Variants in RBFOX1 observed in about 807,000 individuals in gnomAD.
RBFOX1 encodes the protein RNA binding protein fox-1 homolog 1.
RBFOX1 carries 8 observed loss-of-function variants against 57.7 expected under a neutral mutation model. The observed-to-expected ratio is 0.14, with a 90% CI of 0.08 to 0.25. The LOEUF (loss-of-function observed/expected upper bound fraction) is 0.25, where lower values mean the gene tolerates loss of function less well. RBFOX1 is among the 10% of genes least tolerant of loss of function. The probability of loss-of-function intolerance (pLI) is 1.00; values close to 1 mark genes in which losing one functional copy is unlikely to be tolerated. For missense variants in RBFOX1, 611 were observed against 548.5 expected, an observed-to-expected ratio of 1.11 and a Z score of -1.14; for synonymous variants, 326 against 222.4, an observed-to-expected ratio of 1.47 and a Z score of -4.15.
intron 4 of RBFOX1, among the ~76,000 whole-genome samples, chr16:7,337,887 G>A (rs1043563100): frequency 2.0e-4 from 31 of 152,172 alleles, no homozygotes; most frequent in Admixed American, 2.0e-3. Context: ...GTTTCACCAT[G>A]TTGGTTAGGC....
chr16:6,925,837 G>A (rs906467912), intron 3 of RBFOX1, among the ~76,000 whole-genome samples: 1 of 152,006 alleles, frequency 6.6e-6, no homozygotes, highest in African/African-American at 2.4e-5. Flanking sequence ...TGAGTTCCTT[G>A]CAAGGTTATG....
chr16:5,833,743 A>G (rs1030558816), intron 3 of RBFOX1, among the ~76,000 whole-genome samples: 7 of 152,278 alleles, frequency 4.6e-5, no homozygotes, highest in Non-Finnish European at 7.3e-5. Context: ...AGAAAGAAGG[A>G]GAGACACATT....
chr16:5,255,322 T>TCCCATCCA (rs1555468896), intron 1 of RBFOX1, among the ~76,000 whole-genome samples: 1 of 119,372 alleles, frequency 8.4e-6, no homozygotes, highest in Non-Finnish European at 1.8e-5. Flanking sequence ...CCACACTTCC[T>TCCCATCCA]TCCATCCATC....
intron 3 of RBFOX1, among the ~76,000 whole-genome samples, chr16:5,753,770 G>A (rs1304741493): frequency 6.6e-6 from 1 of 151,956 alleles, no homozygotes; most frequent in Non-Finnish European, 1.5e-5. Flanking sequence ...TTGTATAGGA[G>A]CCTCCCCTCT....
At chr16:7,195,765 C>T (rs1437351277) in intron 4 of RBFOX1, among the ~76,000 whole-genome samples, 1 of 152,136 alleles carries the variant, frequency 6.6e-6, no homozygotes. Flanking sequence ...GTTGGCCAGA[C>T]TGGTGTTCAA....
chr16:6,958,841 G>C (rs1398240298), intron 3 of RBFOX1, among the ~76,000 whole-genome samples: 1 of 152,144 alleles, frequency 6.6e-6, no homozygotes, highest in Non-Finnish European at 1.5e-5. Flanking sequence ...CGGCATTGCT[G>C]ATTTTCAAGG....
chr16:5,674,084 A>G (rs1433197403), intron 3 of RBFOX1, among the ~76,000 whole-genome samples: 1 of 152,138 alleles, frequency 6.6e-6, no homozygotes, highest in South Asian at 2.1e-4. Flanking sequence ...TCTATGTAGT[A>G]TTGTTCTAGG....
chr16:6,517,347 C>T (rs777906093), intron 2 of RBFOX1, among the ~76,000 whole-genome samples: 4 of 152,176 alleles, frequency 2.6e-5, no homozygotes, highest in Admixed American at 6.5e-5. Context: ...GATCCGAATA[C>T]ATCTGTGTTT....
chr16:7,381,156 G>C (rs2097776223), intron 4 of RBFOX1, among the ~76,000 whole-genome samples: 1 of 152,164 alleles, frequency 6.6e-6, no homozygotes, highest in Non-Finnish European at 1.5e-5. Flanking sequence ...CTAGATGCTT[G>C]AACTTCTCCC....
chr16:7,054,233 C>G (rs886107117), intron 4 of RBFOX1, among the ~76,000 whole-genome samples: 211 of 5,106 alleles, frequency 0.041, 1 homozygote, highest in African/African-American at 0.14. Context: ...GGGCGGGGAG[C>G]TTTTTTTTTT....
At chr16:7,494,060 G>C (rs1432095530) in intron 4 of RBFOX1, among the ~76,000 whole-genome samples, 1 of 151,842 alleles carries the variant, frequency 6.6e-6, no homozygotes, top group Non-Finnish European at 1.5e-5. Flanking sequence ...TCCGAGAGTG[G>C]TTATGGAGGC....
chr16:6,854,977 G>A (rs991938713), intron 3 of RBFOX1, among the ~76,000 whole-genome samples: 1 of 151,862 alleles, frequency 6.6e-6, no homozygotes, highest in African/African-American at 2.4e-5. Context: ...GTTAATGCTT[G>A]GACTAATCTT....
chr16:6,341,914 G>C (rs2152828373), intron 2 of RBFOX1, among the ~76,000 whole-genome samples: 1 of 152,242 alleles, frequency 6.6e-6, no homozygotes, highest in East Asian at 1.9e-4. Context: ...AACCCACCTG[G>C]ATCATTCAGA....
At chr16:6,167,751 G>C (rs1567601409) in intron 1 of RBFOX1, among the ~76,000 whole-genome samples, 1 of 152,120 alleles carries the variant, frequency 6.6e-6, no homozygotes, top group African/African-American at 2.4e-5. Context: ...TCTTGGATGT[G>C]GTCCTGGGGC....
rs1486519324 is a variant in RBFOX1 at position 7,019,636 on chromosome 16, G to A, written c.-15-32421G>A. Among the ~76,000 whole-genome samples the A allele has an allele frequency of 3.2e-5, 4 of 126,350 alleles. No homozygotes were observed. The South Asian group carries it at 9.0e-4, about 28-fold the overall frequency. The allele number at this position is 126,350 out of a possible 152,430, so 82.9% of individuals were successfully genotyped here. Reference sequence around the variant, plus strand: ...CAGTTAGAATGATGTGATCAGGGCTGTGATTCCTAGGCTAGGCCATTACTG... The same window carrying A: ...CAGTTAGAATGATGTGATCAGGGCTATGATTCCTAGGCTAGGCCATTACTG... On this transcript the variant is annotated intron_variant, in intron 3 of 15. Transcript: ENST00000550418.
At chr16:7,288,250 A>G (rs2095689561) in intron 4 of RBFOX1, among the ~76,000 whole-genome samples, 1 of 152,162 alleles carries the variant, frequency 6.6e-6, no homozygotes, top group African/African-American at 2.4e-5. Flanking sequence ...CTCTCAGAGA[A>G]CTCTCACATC....
intron 1 of RBFOX1, among the ~76,000 whole-genome samples, chr16:5,358,192 C>T (rs1216432017): frequency 6.6e-6 from 1 of 151,996 alleles, no homozygotes; most frequent in Non-Finnish European, 1.5e-5. Flanking sequence ...GATGCATCAC[C>T]CTGACCTCTA....
rs76613094 is a variant in RBFOX1 at position 5,765,751 on chromosome 16, T to C, written c.319-101552T>C. ...CCAGTGAAGCACCTCAGCCTGGGGT[T>C]TGAGTTTACAGCCTTTGGATATGGG... is the stretch of plus-strand genomic sequence containing the variant. On this transcript the variant is annotated intron_variant, in intron 3 of 19. Transcript: ENST00000641259. Among the ~76,000 whole-genome samples the C allele has an allele frequency of 1.8e-3, 268 of 152,376 alleles. 8 individuals are homozygous for C. In the East Asian group the frequency reaches 0.047, roughly 27 times the overall value.
intron 2 of RBFOX1, among the ~76,000 whole-genome samples, chr16:5,505,940 T>C (rs2043363362): frequency 6.6e-6 from 1 of 152,160 alleles, no homozygotes; most frequent in Non-Finnish European, 1.5e-5. Flanking sequence ...CTCTCTGCTA[T>C]AGACTTTTTC....
Sources: gnomAD v4.1 joint callset for allele counts (sites outside exome capture counted in the v4.1 genomes callset) on GRCh38, gnomAD v4.1.1 for gene constraint, MANE v1.5 for transcripts, NCBI Gene and HGNC (gene_info 2026-07-23, HGNC 2026-07-21) for gene names.